Variants in ARHGAP28 observed in about 807,000 individuals in gnomAD.
The protein encoded by ARHGAP28 is Rho GTPase activating protein 28.
A neutral mutation model predicts 90.7 loss-of-function variants in ARHGAP28; 56 were observed. The ratio of observed to expected loss-of-function variants is 0.62; its 90% CI spans 0.50 to 0.77. The LOEUF is 0.77. Among genes scored for constraint, ARHGAP28 ranks in the 30% least tolerant of loss-of-function variants. ARHGAP28 has a pLI of 0.00. For synonymous variants in ARHGAP28, 308 were observed against 323.3 expected (o/e 0.95, Z 0.51); for missense variants, 869 against 900.9 (o/e 0.96, Z 0.45).
intron 10 of ARHGAP28, among the ~76,000 whole-genome samples, chr18:6,881,091 G>A (rs9948945): frequency 0.26 from 39,809 of 152,066 alleles, 5,542 homozygotes; most frequent in East Asian, 0.38. Flanking sequence ...AGAATCATGC[G>A]TATCTCTGCA....
chr18:6,835,213 T>C (rs187957136), intron 2 of ARHGAP28, among the ~76,000 whole-genome samples: 26 of 152,300 alleles, frequency 1.7e-4, no homozygotes, highest in Admixed American at 1.6e-3. Context: ...TCCCACTCTT[T>C]CATTACTCCT....
rs2055857948 is a variant in ARHGAP28, at chr18:6,729,717, C to T, written c.-105C>T. 6 of 1,280,840 alleles carry T rather than the reference C, an allele frequency of 4.7e-6. No homozygotes were observed. Among genetic ancestry groups the T allele is most frequent in the Non-Finnish European group, 5.9e-6 (6 of 1,014,234 alleles). 79.3% of individuals were successfully genotyped at this position (1,280,840 alleles called of 1,614,324 possible). On this transcript the variant is annotated 5_prime_UTR_variant, in exon 1 of 18. Coordinates refer to ENST00000383472, the MANE Select transcript of ARHGAP28 (RefSeq NM_001366230.1). Reference sequence around the variant, plus strand: ...AGCCGCGGGAGAGAGCGGCTGGTCGCACCTCGGGCCGCGCCGCCCAGCTGC... The same window carrying T: ...AGCCGCGGGAGAGAGCGGCTGGTCGTACCTCGGGCCGCGCCGCCCAGCTGC...
At chr18:6,826,218 T>C (rs1004341767) in intron 2 of ARHGAP28, among the ~76,000 whole-genome samples, 1 of 152,002 alleles carries the variant, frequency 6.6e-6, no homozygotes, top group Non-Finnish European at 1.5e-5. Context: ...TGCATTTCTC[T>C]GATAATTAGT....
chr18:6,763,228 A>G (rs1451922772), intron 1 of ARHGAP28, among the ~76,000 whole-genome samples: 1 of 151,968 alleles, frequency 6.6e-6, no homozygotes, highest in Non-Finnish European at 1.5e-5. Flanking sequence ...GACTACAGGC[A>G]TGCACCACCG....
At chr18:6,756,708 A>G (rs2056113233) in intron 1 of ARHGAP28, among the ~76,000 whole-genome samples, 1 of 152,188 alleles carries the variant, frequency 6.6e-6, no homozygotes, top group South Asian at 2.1e-4. Flanking sequence ...TCCGAGCCCA[A>G]AATCTCAAAA....
In ARHGAP28 at chr18:6,729,802, C is replaced by T; in HGVS notation, c.-20C>T. 1.4e-6 allele frequency: 2 copies of T among 1,392,220 alleles called. No homozygotes were observed. Among genetic ancestry groups the T allele is most frequent in the South Asian group, 1.6e-5 (1 of 62,302 alleles). 86.2% of individuals were successfully genotyped at this position (1,392,220 alleles called of 1,614,324 possible). ...CCGGTCTTTGTTCTGGGGCCGGCGCCGAGACATGCGCGGCTGACGATGGAG... is the reference window on the plus strand; with the variant it reads ...CCGGTCTTTGTTCTGGGGCCGGCGCTGAGACATGCGCGGCTGACGATGGAG... On this transcript the variant is annotated 5_prime_UTR_variant, in exon 1 of 18. Coordinates refer to ENST00000383472, the MANE Select transcript of ARHGAP28 (RefSeq NM_001366230.1).
At chr18:6,892,610 T>G (rs2143746288) in intron 14 of ARHGAP28, among the ~76,000 whole-genome samples, 1 of 152,356 alleles carries the variant, frequency 6.6e-6, no homozygotes, top group Non-Finnish European at 1.5e-5. Context: ...ATGTAGCAAC[T>G]TTGGAAATCA....
intron 1 of ARHGAP28, among the ~76,000 whole-genome samples, chr18:6,750,786 T>C (rs750176114): frequency 6.6e-6 from 1 of 152,178 alleles, no homozygotes; most frequent in Non-Finnish European, 1.5e-5. Context: ...TACCTCCAAA[T>C]ATCACCAACA....
At chr18:6,762,281 A>G (rs4497774) in intron 1 of ARHGAP28, among the ~76,000 whole-genome samples, 65,212 of 151,962 alleles carry the variant, frequency 0.43, 15,126 homozygotes, top group East Asian at 0.85. Context: ...CACACACCCT[A>G]CTTGAAATTC....
intron 16 of ARHGAP28, among the ~76,000 whole-genome samples, chr18:6,903,933 G>T (rs1207024790): frequency 1.3e-5 from 2 of 151,674 alleles, no homozygotes; most frequent in Non-Finnish European, 2.9e-5. Context: ...CATCTTCTCT[G>T]ACTATAAAGG....
intron 3 of ARHGAP28, among the ~76,000 whole-genome samples, chr18:6,843,464 T>A (rs1247923071): frequency 6.6e-6 from 1 of 152,246 alleles, no homozygotes; most frequent in Non-Finnish European, 1.5e-5. Flanking sequence ...CATTTTTCTC[T>A]TGTGCCTTTT....
At chr18:6,871,505 A>C (rs147137908) in intron 7 of ARHGAP28, among the ~76,000 whole-genome samples, 3 of 152,350 alleles carry the variant, frequency 2.0e-5, no homozygotes, top group African/African-American at 4.8e-5. Flanking sequence ...CTATTAGTAC[A>C]TGATGGGCAA....
At chr18:6,780,302 A>G (rs557140133) in intron 1 of ARHGAP28, among the ~76,000 whole-genome samples, 2 of 152,356 alleles carry the variant, frequency 1.3e-5, no homozygotes, top group East Asian at 1.9e-4. Context: ...ATTTGGGGAA[A>G]AAAAAACAAT....
rs941553483 is a variant in ARHGAP28, at chr18:6,730,626, T to C, written c.122+683T>C. Among the ~76,000 whole-genome samples the C allele has an allele frequency of 1.6e-4, 25 of 152,236 alleles. 1 individual carries two copies. The highest frequency in any genetic ancestry group is 6.0e-4 in the African/African-American group (25 of 41,464). On this transcript the variant is annotated intron_variant, in intron 1 of 17. Transcript: ENST00000383472. ...GATTTAATCAAGGATCTATGTTAAA[T>C]TACTCTATCAGTGATCATCCATTTG... is the stretch of plus-strand genomic sequence containing the variant.
intron 1 of ARHGAP28, among the ~76,000 whole-genome samples, chr18:6,792,834 A>T (rs991388299): frequency 3.3e-5 from 5 of 152,176 alleles, no homozygotes; most frequent in African/African-American, 1.2e-4. Flanking sequence ...TCTTAGGTTA[A>T]CTCATTAGAC....
At chr18:6,909,512 C>G (rs371946883) in intron 17 of ARHGAP28, among the ~76,000 whole-genome samples, 1 of 151,528 alleles carries the variant, frequency 6.6e-6, no homozygotes, top group African/African-American at 2.4e-5. Context: ...AGGCTGGTCT[C>G]GAACTCCTGA....
intron 1 of ARHGAP28, among the ~76,000 whole-genome samples, chr18:6,804,384 C>T (rs540154919): frequency 6.6e-6 from 1 of 152,094 alleles, no homozygotes; most frequent in South Asian, 2.1e-4. Context: ...TTTCTAAAAA[C>T]AAGCATTTGG....
intron 11 of ARHGAP28, among the ~76,000 whole-genome samples, chr18:6,884,051 A>G (rs3865406): frequency 0.28 from 42,708 of 152,070 alleles, 6,351 homozygotes; most frequent in East Asian, 0.38. Flanking sequence ...CCTTCACATC[A>G]TTGAGCACAG....
At chr18:6,765,415 A>G (rs1447158810) in intron 1 of ARHGAP28, among the ~76,000 whole-genome samples, 1 of 152,150 alleles carries the variant, frequency 6.6e-6, no homozygotes, top group African/African-American at 2.4e-5. Context: ...ATTTCTTGGC[A>G]TGGAATTCTT....
Sources: gnomAD v4.1 joint callset for allele counts (sites outside exome capture counted in the v4.1 genomes callset) on GRCh38, gnomAD v4.1.1 for gene constraint, MANE v1.5 for transcripts, NCBI Gene and HGNC (gene_info 2026-07-23, HGNC 2026-07-21) for gene names.